CASZ1: variants seen among roughly 807,000 people sequenced by gnomAD.
CASZ1 encodes castor zinc finger 1.
Under a neutral mutation model 135.2 loss-of-function variants are expected in CASZ1, and 28 were observed. The ratio of observed to expected loss-of-function variants is 0.21; its 90% confidence interval spans 0.15 to 0.28. CASZ1 has a LOEUF of 0.28. CASZ1 is among the 10% of genes least tolerant of loss of function. The pLI, the probability that CASZ1 is intolerant of heterozygous loss-of-function variation, is 1.00. For missense variants in CASZ1, 2,161 were observed against 2,453.3 expected (o/e 0.88, Z 2.52); for synonymous variants, 1,068 against 1,073.4 (o/e 0.99, Z 0.10).
Position 10,717,400 on chromosome 1 carries a change from T to C in CASZ1, c.-76-11856A>G, listed in dbSNP as rs1639414614. Among the ~76,000 whole-genome samples, 1 of 152,176 alleles carries C rather than the reference T, an allele frequency of 6.6e-6. No homozygotes were observed. ...TTGGAGGTTTTTTTTTCTTTTCTTT[T>C]CTTTTTTGCTATTTATCAGCAGGTT... On this transcript the variant is annotated intron_variant, in intron 2 of 20. Coordinates refer to ENST00000377022, the MANE Select transcript of CASZ1 (RefSeq NM_001079843.3). The surrounding 1 kb of genome is among the most constrained non-coding windows in gnomAD (Gnocchi z 4.6).
chr1:10,779,678 TTA>T (rs1247463963), intron 1 of CASZ1, among the ~76,000 whole-genome samples: 2 of 152,234 alleles, frequency 1.3e-5, no homozygotes, highest in Non-Finnish European at 2.9e-5. Flanking sequence ...ATTTGGATTT[TTA>T]TATAGTTTCT....
chr1:10,766,227 C>CAT (rs1203887150), intron 1 of CASZ1, among the ~76,000 whole-genome samples: 1 of 152,000 alleles, frequency 6.6e-6, no homozygotes, highest in African/African-American at 2.4e-5. Flanking sequence ...CACACACACA[C>CAT]ATATATGCCA....
rs1639174367 is a variant in CASZ1 at position 10,706,412 on chromosome 1, C to T, written c.-76-868G>A. ...CCCCTGCAGGCCTCAGAACCCTATC[C>T]AGGCTTGGGGAGGGCTGTCTGTTAC... is the stretch of plus-strand genomic sequence containing the variant. On this transcript the variant is annotated intron_variant, in intron 2 of 20. Coordinates refer to ENST00000377022, the MANE Select transcript of CASZ1 (RefSeq NM_001079843.3). This position sits in a 1 kb window ranked among gnomAD's most constrained non-coding sequence, Gnocchi z 4.3. Among the ~76,000 whole-genome samples, 1 of 152,208 alleles carries T rather than the reference C, an allele frequency of 6.6e-6. No individual in the cohort carries two copies. Among genetic ancestry groups the T allele is most frequent in the African/African-American group, 2.4e-5 (1 of 41,446 alleles).
At chr1:10,644,863 C>A (rs1356434429) in intron 18 of CASZ1, 54 bp downstream of exon 18, 2 of 1,555,926 alleles carry the variant, frequency 1.3e-6, no homozygotes, top group African/African-American at 2.7e-5. Flanking sequence ...GCCACGGGGG[C>A]CATGGTCTTG....
rs990664214 is a variant in CASZ1 at position 10,756,589 on chromosome 1, T to C, written c.-77+4112A>G. On this transcript the variant is annotated intron_variant, in intron 2 of 20. Coordinates refer to ENST00000377022, the MANE Select transcript of CASZ1 (RefSeq NM_001079843.3). The surrounding 1 kb of genome is among the most constrained non-coding windows in gnomAD (Gnocchi z 5.9). Reference sequence around the variant, plus strand: ...GCTATCACAGCATCGATGCTGGGACTGCCTGCCCCAACCTGGCCCTCACAG... The same window carrying C: ...GCTATCACAGCATCGATGCTGGGACCGCCTGCCCCAACCTGGCCCTCACAG... 3.7e-4 allele frequency among the ~76,000 whole-genome samples: 57 copies of C among 152,206 alleles called. 1 individual carries two copies. The highest frequency in any genetic ancestry group is 3.2e-3 in the Middle Eastern group (1 of 316).
chr1:10,694,730 G>T lies in CASZ1; in HGVS notation c.-23-818C>A, dbSNP rs1197440109. On this transcript the variant is annotated intron_variant, in intron 3 of 20. Coordinates refer to ENST00000377022, the MANE Select transcript of CASZ1 (RefSeq NM_001079843.3). The surrounding 1 kb of genome is among the most constrained non-coding windows in gnomAD (Gnocchi z 6.6). ...CGCGCGCGCCCGCGCCGCACTGGCAGGGCGGCCGGCTCCATTGGCTCTGCG... is the reference window on the plus strand; with the variant it reads ...CGCGCGCGCCCGCGCCGCACTGGCATGGCGGCCGGCTCCATTGGCTCTGCG... Among the ~76,000 whole-genome samples the T allele has an allele frequency of 4.9e-5, 7 of 142,874 alleles. No individual in the cohort carries two copies. The highest frequency in any genetic ancestry group is 1.4e-4 in the Admixed American group (2 of 14,514). 93.7% of individuals were successfully genotyped at this position (142,874 alleles called of 152,430 possible).
Position 10,767,505 on chromosome 1 carries a change from G to A in CASZ1, c.-233-6648C>T, listed in dbSNP as rs1411840172. The stretch of plus-strand genomic sequence containing the variant: ...CCTATTGCAAAGCCAGGCCCAGGGA[G>A]GCCGGGAAGCAGAGAGCCGGAGGAG... On this transcript the variant is annotated intron_variant, in intron 1 of 20. Transcript: ENST00000377022. The surrounding 1 kb of genome is among the most constrained non-coding windows in gnomAD (Gnocchi z 4.2). Among the ~76,000 whole-genome samples, 1 of 152,214 alleles carries A rather than the reference G, an allele frequency of 6.6e-6. No homozygotes were observed. The highest frequency in any genetic ancestry group is 2.4e-5 in the African/African-American group (1 of 41,462).
Position 10,654,113 on chromosome 1 carries a change from G to A in CASZ1, c.1944C>T (p.Phe648=), listed in dbSNP as rs1642705977. 6.2e-7 allele frequency: 1 copy of A among 1,614,262 alleles called. No individual in the cohort carries two copies. Residue 648 remains phenylalanine, a synonymous_variant, in exon 11 of 21, where the codon TTC becomes TTT. Coordinates refer to ENST00000377022, the MANE Select transcript of CASZ1 (RefSeq NM_001079843.3). ...DAYAKDGFKK[F]YKYEECKYEG... ...CGTACTTGCACTCCTCGTACTTGTA[G>A]AACTTCTTGAAGCCGTCCTTGGCGT...
intron 11 of CASZ1, 138 bp downstream of exon 11, chr1:10,653,239 A>G: frequency 1.1e-6 from 1 of 937,088 alleles, no homozygotes; most frequent in Non-Finnish European, 1.7e-6. Context: ...AAGATCAGGC[A>G]AAGAGGGGGT....
At chr1:10,682,030 C>T (rs1056376634) in intron 4 of CASZ1, among the ~76,000 whole-genome samples, 2 of 152,238 alleles carry the variant, frequency 1.3e-5, no homozygotes, top group African/African-American at 2.4e-5. Flanking sequence ...AAGTGCGACT[C>T]TCTCCCTCCA....
rs1356603668 is a variant in CASZ1, at chr1:10,644,817, G to C, written c.3868+100C>G. The C allele has an allele frequency of 4.0e-6, 5 of 1,247,796 alleles. No individual in the cohort carries two copies. In the Admixed American group the frequency reaches 1.0e-4, roughly 26 times the overall value. The allele number at this position is 1,247,796 out of a possible 1,614,324, so 77.3% of individuals were successfully genotyped here. Reference sequence around the variant, plus strand: ...TTAACAAAACGTGGAGCCTGCGGTGGGGAACAGGACGCGGGTACCAGGAGA... The same window carrying C: ...TTAACAAAACGTGGAGCCTGCGGTGCGGAACAGGACGCGGGTACCAGGAGA... On this transcript the variant is annotated intron_variant, in intron 18 of 20. Transcript: ENST00000377022.
chr1:10,697,962 T>TG lies in CASZ1; in HGVS notation c.-23-4051dup, dbSNP rs1638975788. Among the ~76,000 whole-genome samples, 2 of 151,830 alleles carry TG rather than the reference T, an allele frequency of 1.3e-5. No individual in the cohort carries two copies. The highest frequency in any genetic ancestry group is 4.8e-5 in the African/African-American group (2 of 41,314). On this transcript the variant is annotated intron_variant, in intron 3 of 20. Coordinates refer to ENST00000377022, the MANE Select transcript of CASZ1 (RefSeq NM_001079843.3). This position sits in a 1 kb window ranked among gnomAD's most constrained non-coding sequence, Gnocchi z 4.7. ...GAGCCAGCGAAGTGGACGGGAAGCA[T>TG]GGGGGCCGAGGGAGGGCAGAGCCAA...
rs1156824348 is a variant in CASZ1, at chr1:10,691,106, CT to C, written c.16+2767del. 6.0e-3 allele frequency among the ~76,000 whole-genome samples: 777 copies of C among 129,984 alleles called. 10 individuals carry two copies. Among genetic ancestry groups the C allele is most frequent in the African/African-American group, 0.019 (700 of 37,206 alleles). The allele number at this position is 129,984 out of a possible 152,430, so 85.3% of individuals were successfully genotyped here. On this transcript the variant is annotated intron_variant, in intron 4 of 20. Transcript: ENST00000377022. Reference sequence around the variant, plus strand: ...CTCCCTCCCTCCCTCCCTCTCTTTCCTTTTTTTTTTATTAGCATTTGTGGAA... The same window carrying C: ...CTCCCTCCCTCCCTCCCTCTCTTTCCTTTTTTTTTATTAGCATTTGTGGAA...
chr1:10,671,181 G>C (rs1455643440), intron 4 of CASZ1, among the ~76,000 whole-genome samples: 1 of 152,228 alleles, frequency 6.6e-6, no homozygotes, highest in Admixed American at 6.5e-5. Context: ...CAGGGGAACT[G>C]TTAGCATCCA....
At chr1:10,689,276 C>T (rs1005221701) in intron 4 of CASZ1, among the ~76,000 whole-genome samples, 9 of 152,376 alleles carry the variant, frequency 5.9e-5, no homozygotes, top group Middle Eastern at 6.8e-3. Context: ...GCAGCGGGCA[C>T]GGCCTTGAGC....
chr1:10,725,927 C>T lies in CASZ1; in HGVS notation c.-76-20383G>A, dbSNP rs1010159862. Reference sequence around the variant, plus strand: ...CGGACTTAGGAGGGGGCAGCATCCTCAGGATCCCTTAGTAGCAAGAGCAGG... The same window carrying T: ...CGGACTTAGGAGGGGGCAGCATCCTTAGGATCCCTTAGTAGCAAGAGCAGG... On this transcript the variant is annotated intron_variant, in intron 2 of 20. Coordinates refer to ENST00000377022, the MANE Select transcript of CASZ1 (RefSeq NM_001079843.3). This position sits in a 1 kb window ranked among gnomAD's most constrained non-coding sequence, Gnocchi z 4.4. 1.1e-4 allele frequency among the ~76,000 whole-genome samples: 17 copies of T among 152,128 alleles called. 1 individual carries two copies. Among genetic ancestry groups the T allele is most frequent in the African/African-American group, 4.1e-4 (17 of 41,420 alleles).
chr1:10,732,709 T>C (rs1471684192), intron 2 of CASZ1, among the ~76,000 whole-genome samples: 1 of 152,168 alleles, frequency 6.6e-6, no homozygotes, highest in African/African-American at 2.4e-5. Flanking sequence ...TGGCCCCTTC[T>C]GCCTTGGACT....
chr1:10,756,417 C>T lies in CASZ1; in HGVS notation c.-77+4284G>A, dbSNP rs1246561552. On this transcript the variant is annotated intron_variant, in intron 2 of 20. Transcript: ENST00000377022. This position sits in a 1 kb window ranked among gnomAD's most constrained non-coding sequence, Gnocchi z 5.9. ...GGGCTGGCCCATATGGCTGGGAATA[C>T]GTTGCCAGCAAGGGCAAGTGCTCAC... 6.6e-6 allele frequency among the ~76,000 whole-genome samples: 1 copy of T among 152,226 alleles called. No individual in the cohort carries two copies. The highest frequency in any genetic ancestry group is 1.5e-5 in the Non-Finnish European group (1 of 68,044).
chr1:10,761,314 G>C (rs1477646521), intron 1 of CASZ1, among the ~76,000 whole-genome samples: 1 of 152,166 alleles, frequency 6.6e-6, no homozygotes, highest in Non-Finnish European at 1.5e-5. Flanking sequence ...CTTTCCCTGC[G>C]CCAGCTCCCA....
Sources: gnomAD v4.1 joint callset for allele counts (sites outside exome capture counted in the v4.1 genomes callset) on GRCh38, gnomAD v4.1.1 for gene constraint, Gnocchi (gnomAD v3.1) non-coding constraint, MANE v1.5 for transcripts, NCBI Gene and HGNC (gene_info 2026-07-23, HGNC 2026-07-21) for gene names.